Variants in CEMIP observed in about 807,000 individuals in gnomAD.
The protein encoded by CEMIP is cell migration-inducing and hyaluronan-binding protein.
In CEMIP, 105 loss-of-function variants were observed where a neutral mutation model predicts 156.9. The observed-to-expected ratio is 0.67, with a 90% CI of 0.57 to 0.79. The LOEUF (loss-of-function observed/expected upper bound fraction) is 0.79, where lower values mean the gene tolerates loss of function less well. Ranked by LOEUF, CEMIP falls within the 30% of genes least tolerant of loss-of-function variation. CEMIP has a pLI of 0.00. For missense variants in CEMIP, 1,457 were observed against 1,769.4 expected (o/e 0.82, Z 3.17); for synonymous variants, 676 against 668.4 (o/e 1.01, Z -0.17).
chr15:80,819,941 A>G (rs1896871836), intron 1 of CEMIP, among the ~76,000 whole-genome samples: 1 of 152,172 alleles, frequency 6.6e-6, no homozygotes, highest in South Asian at 2.1e-4. Context: ...TCTGTCTGAA[A>G]CCCCTTGACT....
intron 1 of CEMIP, among the ~76,000 whole-genome samples, chr15:80,825,673 G>A (rs1377718025): frequency 6.6e-6 from 1 of 152,202 alleles, no homozygotes; most frequent in Non-Finnish European, 1.5e-5. Context: ...GAGAGGCAAA[G>A]TGTCCATCAG....
At chr15:80,897,206 G>A (rs778203320) in intron 12 of CEMIP, 8 of 453,910 alleles carry the variant, frequency 1.8e-5, no homozygotes, top group South Asian at 1.2e-4. Flanking sequence ...TAGAATATGG[G>A]GTTGGGAGAA....
intron 28 of CEMIP, chr15:80,946,320 A>AT (rs1395516948): frequency 6.5e-6 from 1 of 154,812 alleles, no homozygotes; most frequent in African/African-American, 2.4e-5. Context: ...GCTTTAATGT[A>AT]TACATGATCA....
intron 3 of CEMIP, among the ~76,000 whole-genome samples, chr15:80,878,252 C>T (rs1898535968): frequency 1.3e-5 from 2 of 152,230 alleles, no homozygotes; most frequent in Non-Finnish European, 2.9e-5. Flanking sequence ...TTATATAATA[C>T]TATCTTTCTC....
rs750041044 is a variant in CEMIP, at chr15:80,887,683, CT to C, written c.798-4del. On this transcript the variant is annotated splice_polypyrimidine_tract_variant and intron_variant, in intron 7 of 29. Coordinates refer to ENST00000394685, the MANE Select transcript of CEMIP (RefSeq NM_001293298.2). The stretch of plus-strand genomic sequence containing the variant: ...GAACTTTACTTTTTGTTATGTTTTT[CT>C]TTTTTTCAGACACCCTTGGAGTTTT... The C allele has an allele frequency of 2.5e-6, 4 of 1,606,972 alleles. No individual in the cohort carries two copies. Among genetic ancestry groups the C allele is most frequent in the South Asian group, 2.2e-5 (2 of 91,010 alleles).
At chr15:80,835,445 G>A (rs1043674966) in intron 1 of CEMIP, among the ~76,000 whole-genome samples, 3 of 152,218 alleles carry the variant, frequency 2.0e-5, no homozygotes, top group Non-Finnish European at 4.4e-5. Context: ...CTGCCCACCT[G>A]GGATATTTGT....
At chr15:80,838,819 C>G (rs879856840) in intron 1 of CEMIP, among the ~76,000 whole-genome samples, 22 of 152,190 alleles carry the variant, frequency 1.4e-4, no homozygotes, top group Non-Finnish European at 2.5e-4. Context: ...GAGGTTCAGA[C>G]AGGTTGGGCA....
intron 1 of CEMIP, among the ~76,000 whole-genome samples, chr15:80,850,489 G>A (rs1046886534): frequency 3.3e-5 from 5 of 152,164 alleles, no homozygotes; most frequent in Non-Finnish European, 7.3e-5. Context: ...ATGTTGGCCA[G>A]GCTGGTCTCA....
intron 1 of CEMIP, among the ~76,000 whole-genome samples, chr15:80,820,636 G>C (rs757425570): frequency 2.0e-4 from 31 of 152,208 alleles, no homozygotes; most frequent in Non-Finnish European, 3.1e-4. Context: ...TCTGTAAAAG[G>C]GGGTAATAAT....
intron 17 of CEMIP, among the ~76,000 whole-genome samples, chr15:80,922,805 A>G (rs548752121): frequency 1.6e-4 from 24 of 152,328 alleles, no homozygotes; most frequent in African/African-American, 5.3e-4. Context: ...CAGTGAGGAC[A>G]GCAGTCAAGA....
intron 1 of CEMIP, among the ~76,000 whole-genome samples, chr15:80,869,087 C>A (rs1898205387): frequency 6.6e-6 from 1 of 152,198 alleles, no homozygotes; most frequent in South Asian, 2.1e-4. Context: ...CTTGAAGCCT[C>A]TCTCCTTGGC....
intron 1 of CEMIP, among the ~76,000 whole-genome samples, chr15:80,829,166 CCTT>C (rs1242501678): frequency 1.3e-5 from 2 of 152,176 alleles, no homozygotes; most frequent in Non-Finnish European, 2.9e-5. Context: ...GGCCAGAGTG[CCTT>C]CAACTCCCAC....
intron 1 of CEMIP, among the ~76,000 whole-genome samples, chr15:80,860,080 C>T (rs1897949026): frequency 1.3e-5 from 2 of 152,202 alleles, no homozygotes; most frequent in Admixed American, 1.3e-4. Context: ...ACCTTTCCAG[C>T]TCAGGTTGTT....
chr15:80,831,165 C>T (rs1458162507), intron 1 of CEMIP, among the ~76,000 whole-genome samples: 3 of 152,036 alleles, frequency 2.0e-5, no homozygotes, highest in South Asian at 2.1e-4. Context: ...TAGGACTCCG[C>T]GTGTTTGAGA....
chr15:80,925,554 C>T, intron 18 of CEMIP, 70 bp from the exon 19 acceptor site: 1 of 1,594,456 alleles, frequency 6.3e-7, no homozygotes. Context: ...GCTCACAGAG[C>T]CCAGAAGGGA....
intron 7 of CEMIP, among the ~76,000 whole-genome samples, chr15:80,887,340 C>T (rs192246202): frequency 1.3e-5 from 2 of 152,272 alleles, no homozygotes; most frequent in East Asian, 3.9e-4. Flanking sequence ...CTGAAGGTAT[C>T]CAAGCATTTG....
Position 80,909,108 on chromosome 15 carries a change from A to C in CEMIP, c.1599A>C (p.Gly533=). ...TFGGHIKFAL[G]FKAAHLEGTE... is the part of the protein sequence containing the mutation. Reference sequence around the variant, plus strand: ...TTCTCCTCTCCTAGTTTGCTCTGGGATTTAAGGCAGCACACTTGGAGGGCA... The same window carrying C: ...TTCTCCTCTCCTAGTTTGCTCTGGGCTTTAAGGCAGCACACTTGGAGGGCA... Residue 533 remains glycine, a synonymous_variant, in exon 14 of 30, where the codon GGA becomes GGC. Transcript: ENST00000394685. The C allele has an allele frequency of 6.2e-7, 1 of 1,613,926 alleles. No homozygotes were observed. Among genetic ancestry groups the C allele is most frequent in the African/African-American group, 1.3e-5 (1 of 75,030 alleles).
intron 9 of CEMIP, 97 bp downstream of exon 9, chr15:80,888,893 A>C: frequency 9.1e-7 from 1 of 1,097,030 alleles, no homozygotes; most frequent in Non-Finnish European, 1.4e-6. Flanking sequence ...TTATACCAGT[A>C]GGACCACTTT....
chr15:80,918,791 G>A (rs1900366023), intron 14 of CEMIP, among the ~76,000 whole-genome samples: 3 of 152,112 alleles, frequency 2.0e-5, no homozygotes, highest in Non-Finnish European at 4.4e-5. Flanking sequence ...CAGAAGCAGG[G>A]TACCTGTTTG....
Sources: gnomAD v4.1 joint callset for allele counts (sites outside exome capture counted in the v4.1 genomes callset) on GRCh38, gnomAD v4.1.1 for gene constraint, MANE v1.5 for transcripts, NCBI Gene and HGNC (gene_info 2026-07-23, HGNC 2026-07-21) for gene names.